The following EEF1G variants were observed in gnomAD, a reference collection of about 807,000 sequenced individuals.
EEF1G encodes the protein elongation factor 1-gamma.
A neutral mutation model predicts 58.3 loss-of-function variants in EEF1G; 14 were observed. That is an observed-to-expected ratio of 0.24 (90% CI 0.16 to 0.38). The LOEUF is 0.38. EEF1G is among the 10% of genes least tolerant of loss of function. The pLI is 1.00. For synonymous variants in EEF1G, 180 were observed against 206.8 expected (o/e 0.87, Z 1.11); for missense variants, 322 against 550.1 (o/e 0.59, Z 4.15).
At chr11:62,562,338 C>A (rs577220910) in intron 7 of EEF1G, among the ~76,000 whole-genome samples, 10 of 152,176 alleles carry the variant, frequency 6.6e-5, no homozygotes, top group Middle Eastern at 6.8e-3. Context: ...ACTCTTAATT[C>A]GTCTCAAAGT....
rs1425105028 is a variant in EEF1G at position 62,572,576 on chromosome 11, C to T, written c.171+8G>A. ...GAACCGAAGGATGCTCCCCATCTCC[C>T]AACTCACCTTGCCGGCAGGAAATTT... is the stretch of plus-strand genomic sequence containing the variant. On this transcript the variant is annotated splice_region_variant and intron_variant, in intron 2 of 9. Transcript: ENST00000329251. The T allele has an allele frequency of 5.6e-6, 9 of 1,611,766 alleles. No individual in the cohort carries two copies. Among genetic ancestry groups the T allele is most frequent in the Non-Finnish European group, 7.6e-6 (9 of 1,179,762 alleles).
chr11:62,563,878 G>A (rs905212387), intron 7 of EEF1G, among the ~76,000 whole-genome samples: 2 of 152,150 alleles, frequency 1.3e-5, no homozygotes, highest in Non-Finnish European at 2.9e-5. Context: ...CTCATCTGAG[G>A]AGCCTTAAAA....
rs190509559 is a variant in EEF1G, at chr11:62,559,708, C to T, written c.1285G>A (p.Ala429Thr). Reference sequence around the variant, plus strand: ...TTGAAGATCTTGCCCTGATTGAAGGCTTTGCCCACATGCTGGAAGGCCCCC... The same window carrying T: ...TTGAAGATCTTGCCCTGATTGAAGGTTTTGCCCACATGCTGGAAGGCCCCC... Reference protein sequence around the residue: ...WEGAFQHVGKAFNQGKIFK With the variant: ...WEGAFQHVGKTFNQGKIFK Residue 429 changes from alanine (A) to threonine (T), a missense_variant, in exon 10 of 10, where the codon GCC becomes ACC. Coordinates refer to ENST00000329251, the MANE Select transcript of EEF1G (RefSeq NM_001404.5). 5.6e-5 allele frequency: 91 copies of T among 1,613,988 alleles called. No individual in the cohort carries two copies. In the African/African-American group the frequency reaches 1.1e-3, roughly 20 times the overall value.
At chr11:62,560,221 C>G in intron 8 of EEF1G, 28 bp from the exon 9 acceptor site, 1 of 1,614,018 alleles carries the variant, frequency 6.2e-7, no homozygotes, top group South Asian at 1.1e-5. Context: ...AACATTCAGC[C>G]TTTGGAATCA....
chr11:62,572,438 T>C (rs968987696), intron 2 of EEF1G, 146 bp downstream of exon 2: 16 of 1,100,282 alleles, frequency 1.5e-5, no homozygotes, highest in Non-Finnish European at 2.1e-5. Context: ...CATGTAAATC[T>C]GTATTTATCT....
chr11:62,565,827 TA>T (rs1276154106), intron 7 of EEF1G, among the ~76,000 whole-genome samples: 1 of 152,186 alleles, frequency 6.6e-6, no homozygotes, highest in African/African-American at 2.4e-5. Context: ...TCCCATCTAT[TA>T]GTGCAATGCT....
intron 1 of EEF1G, 70 bp downstream of exon 1, chr11:62,573,761 G>C (rs1941666615): frequency 6.2e-7 from 1 of 1,605,268 alleles, no homozygotes; most frequent in East Asian, 2.2e-5. Context: ...CTCTGGCGCC[G>C]ACTGGCCCCA....
intron 7 of EEF1G, among the ~76,000 whole-genome samples, chr11:62,563,798 C>T (rs1941526126): frequency 6.6e-6 from 1 of 152,174 alleles, no homozygotes; most frequent in Non-Finnish European, 1.5e-5. Flanking sequence ...TCCAAGATTA[C>T]ACTGTAGCAA....
At chr11:62,565,977 G>C (rs1941551342) in intron 7 of EEF1G, among the ~76,000 whole-genome samples, 1 of 152,108 alleles carries the variant, frequency 6.6e-6, no homozygotes, top group South Asian at 2.1e-4. Flanking sequence ...GTAAAAAGAT[G>C]AACGGCTTTG....
chr11:62,561,671 C>CA (rs66756936), intron 7 of EEF1G, among the ~76,000 whole-genome samples: 8 of 82,308 alleles, frequency 9.7e-5, no homozygotes, highest in African/African-American at 3.8e-4. Context: ...AAAAAAAAAA[C>CA]AAAAAAAAAA....
At chr11:62,561,493 T>G (rs1590706525) in intron 7 of EEF1G, among the ~76,000 whole-genome samples, 1 of 135,436 alleles carries the variant, frequency 7.4e-6, no homozygotes, top group African/African-American at 2.8e-5. Context: ...GCCAACATGG[T>G]GAAAACCTAT....
chr11:62,572,830 C>T, intron 1 of EEF1G, 88 bp from the exon 2 acceptor site: 1 of 1,279,668 alleles, frequency 7.8e-7, no homozygotes, highest in East Asian at 2.5e-5. Context: ...CTGAATAATC[C>T]CAATGTATTC....
intron 5 of EEF1G, among the ~76,000 whole-genome samples, chr11:62,567,894 A>G (rs1397483837): frequency 6.6e-6 from 1 of 150,956 alleles, no homozygotes; most frequent in Non-Finnish European, 1.5e-5. Context: ...TAATTTTTGT[A>G]CTTTTAGTAG....
chr11:62,570,219 G>A (rs961441697), intron 5 of EEF1G, among the ~76,000 whole-genome samples: 5 of 151,322 alleles, frequency 3.3e-5, no homozygotes, highest in Non-Finnish European at 7.4e-5. Context: ...CTACCACCAC[G>A]CCCGGCTAAT....
intron 5 of EEF1G, among the ~76,000 whole-genome samples, chr11:62,568,676 TA>T (rs1195801362): frequency 6.6e-6 from 1 of 152,074 alleles, no homozygotes; most frequent in East Asian, 1.9e-4. Flanking sequence ...TCCAATCTTT[TA>T]AATTTCAAAC....
chr11:62,562,492 GT>G (rs1054544247), intron 7 of EEF1G, among the ~76,000 whole-genome samples: 3 of 151,506 alleles, frequency 2.0e-5, no homozygotes, highest in African/African-American at 7.3e-5. Context: ...TTTTTGTTTT[GT>G]TTTTTTGAGA....
At chr11:62,562,348 T>C (rs1419905024) in intron 7 of EEF1G, among the ~76,000 whole-genome samples, 4 of 152,176 alleles carry the variant, frequency 2.6e-5, no homozygotes, top group Non-Finnish European at 5.9e-5. Flanking sequence ...CGTCTCAAAG[T>C]GTGGCGTTTT....
chr11:62,573,707 G>C, intron 1 of EEF1G, 124 bp downstream of exon 1: 1 of 1,382,180 alleles, frequency 7.2e-7, no homozygotes. Flanking sequence ...CAGCAGTACA[G>C]TCTGTAGACC....
chr11:62,566,509 T>G (rs1435068549), intron 7 of EEF1G, among the ~76,000 whole-genome samples: 1 of 152,188 alleles, frequency 6.6e-6, no homozygotes, highest in East Asian at 1.9e-4. Flanking sequence ...TCTCAAATGG[T>G]CAAATGAGCT....
Sources: allele counts gnomAD v4.1 joint callset (sites outside exome capture counted in the v4.1 genomes callset), GRCh38; gene constraint gnomAD v4.1.1; transcripts MANE v1.5; gene names NCBI Gene and HGNC (gene_info 2026-07-23, HGNC 2026-07-21).